Variants in NAV2 observed in about 807,000 individuals in gnomAD.
The protein encoded by NAV2 is helicase, APC down-regulated 1.
A neutral mutation model predicts 223.2 loss-of-function variants in NAV2; 54 were observed. That is an observed-to-expected ratio of 0.24 (90% CI 0.19 to 0.30). The LOEUF is 0.30. NAV2 is among the 10% of genes least tolerant of loss of function. The probability of loss-of-function intolerance (pLI) is 1.00; values close to 1 mark genes in which losing one functional copy is unlikely to be tolerated. For synonymous variants in NAV2, 1,279 were observed against 1,239.3 expected (o/e 1.03, Z -0.67); for missense variants, 2,806 against 3,147.5 (o/e 0.89, Z 2.60).
intron 1 of NAV2, among the ~76,000 whole-genome samples, chr11:19,466,070 G>A (rs1386450): frequency 0.58 from 87,530 of 152,068 alleles, 26,864 homozygotes; most frequent in Non-Finnish European, 0.7. Flanking sequence ...TGAATTTCTT[G>A]TTTCCACGAG....
rs200879675 is a variant in NAV2, at chr11:19,662,802, C to G, written c.76-169682C>G. ...AAGCTTCAGGTCCAGTGCCAGGTAG[C>G]CTTTTGGCTACTTTTCCTGGGCTGC... On this transcript the variant is annotated intron_variant, in intron 1 of 37. Coordinates refer to the NAV2 transcript ENST00000360655. 1.7e-4 allele frequency among the ~76,000 whole-genome samples: 26 copies of G among 152,354 alleles called. No individual in the cohort carries two copies. The East Asian group carries it at 4.4e-3, about 26-fold the overall frequency.
At chr11:19,798,912 A>C (rs2058073852) in intron 1 of NAV2, among the ~76,000 whole-genome samples, 1 of 152,116 alleles carries the variant, frequency 6.6e-6, no homozygotes, top group African/African-American at 2.4e-5. Context: ...TACATATCTG[A>C]AATATCAGCA....
Position 19,559,928 on chromosome 11 carries a change from A to G in NAV2, c.75+208901A>G, listed in dbSNP as rs145658079. On this transcript the variant is annotated intron_variant, in intron 1 of 37. Coordinates refer to the NAV2 transcript ENST00000360655. The stretch of plus-strand genomic sequence containing the variant: ...GGGGGCGGATAGATGGACAGCCTGG[A>G]GTGCTGCCTGGTGTACCTGGAATCC... Among the ~76,000 whole-genome samples, 547 of 152,218 alleles carry G rather than the reference A, an allele frequency of 3.6e-3. 3 individuals carry two copies. The highest frequency in any genetic ancestry group is 0.013 in the African/African-American group (524 of 41,532).
intron 1 of NAV2, among the ~76,000 whole-genome samples, chr11:19,799,638 A>C (rs2058117902): frequency 6.6e-6 from 1 of 152,166 alleles, no homozygotes; most frequent in Admixed American, 6.5e-5. Context: ...CTTGAGCTTC[A>C]GAAAGTCTGT....
At chr11:19,772,028 A>C (rs2152592228) in intron 1 of NAV2, among the ~76,000 whole-genome samples, 2 of 152,308 alleles carry the variant, frequency 1.3e-5, no homozygotes, top group Middle Eastern at 6.8e-3. Flanking sequence ...GCTTGTGGAC[A>C]GGAGTCCTTT....
At chr11:20,056,689 A>T in intron 19 of NAV2, 1 of 1,097,780 alleles carries the variant, frequency 9.1e-7, no homozygotes, top group African/African-American at 1.5e-5. Flanking sequence ...GATGGGGCTG[A>T]TGGGACATTG....
At chr11:19,414,524 TAGAC>T (rs1850282886) in intron 1 of NAV2, among the ~76,000 whole-genome samples, 1 of 152,116 alleles carries the variant, frequency 6.6e-6, no homozygotes, top group African/African-American at 2.4e-5. Flanking sequence ...CTGTCAATAT[TAGAC>T]AGATCAATGA....
intron 24 of NAV2, 27 bp downstream of exon 24, chr11:20,078,131 C>T (rs1180328137): frequency 6.5e-7 from 1 of 1,547,778 alleles, no homozygotes; most frequent in Non-Finnish European, 8.9e-7. Flanking sequence ...AGCCTTTAGC[C>T]AGAAGACCTG....
intron 1 of NAV2, among the ~76,000 whole-genome samples, chr11:19,678,390 C>T (rs2135863131): frequency 6.6e-6 from 1 of 152,310 alleles, no homozygotes; most frequent in East Asian, 1.9e-4. Context: ...CATGCTTACT[C>T]CGGAGCCCAT....
chr11:20,001,907 C>G (rs2052590489), intron 11 of NAV2, among the ~76,000 whole-genome samples: 1 of 151,784 alleles, frequency 6.6e-6, no homozygotes, highest in South Asian at 2.1e-4. Context: ...GTGTGGCTGT[C>G]CCACCTGTTT....
At chr11:19,603,123 C>T (rs1356297566) in intron 1 of NAV2, among the ~76,000 whole-genome samples, 2 of 152,158 alleles carry the variant, frequency 1.3e-5, no homozygotes, top group African/African-American at 2.4e-5. Flanking sequence ...TTCCATGTCA[C>T]GTAGTAGCTT....
intron 12 of NAV2, among the ~76,000 whole-genome samples, chr11:20,042,977 G>A (rs564731319): frequency 6.6e-6 from 1 of 152,260 alleles, no homozygotes; most frequent in East Asian, 1.9e-4. Context: ...AGCAGGTCAG[G>A]GCTCTTCCAA....
intron 1 of NAV2, among the ~76,000 whole-genome samples, chr11:19,736,184 C>T (rs750737265): frequency 2.6e-5 from 4 of 152,162 alleles, no homozygotes; most frequent in Non-Finnish European, 5.9e-5. Context: ...ACAAACTGGG[C>T]ATGGCTTTTG....
chr11:19,774,309 T>A (rs1477140423), intron 1 of NAV2, among the ~76,000 whole-genome samples: 2 of 152,240 alleles, frequency 1.3e-5, no homozygotes, highest in Non-Finnish European at 2.9e-5. Flanking sequence ...TCCAAGTAGC[T>A]GGGACTAAGG....
At chr11:19,870,548 T>C (rs2062415890) in intron 4 of NAV2, among the ~76,000 whole-genome samples, 1 of 152,090 alleles carries the variant, frequency 6.6e-6, no homozygotes. Flanking sequence ...CTCAGCCATC[T>C]ACCCATTGGC....
intron 11 of NAV2, among the ~76,000 whole-genome samples, chr11:19,988,028 C>T (rs56999641): frequency 0.051 from 7,804 of 152,278 alleles, 623 homozygotes; most frequent in African/African-American, 0.18. Context: ...TGAACTCCTG[C>T]CAGTTCCTAC....
intron 1 of NAV2, among the ~76,000 whole-genome samples, chr11:19,468,069 G>T (rs1383603030): frequency 6.6e-6 from 1 of 152,154 alleles, no homozygotes; most frequent in Non-Finnish European, 1.5e-5. Flanking sequence ...TAGCATGGCT[G>T]AGACTGTCCT....
At chr11:19,868,202 T>C (rs1306725507) in intron 3 of NAV2, among the ~76,000 whole-genome samples, 1 of 152,162 alleles carries the variant, frequency 6.6e-6, no homozygotes, top group Non-Finnish European at 1.5e-5. Context: ...ATGGTACCCG[T>C]TGACATTAAT....
At chr11:19,599,291 G>A (rs184631424) in intron 1 of NAV2, among the ~76,000 whole-genome samples, 1 of 152,266 alleles carries the variant, frequency 6.6e-6, no homozygotes, top group East Asian at 1.9e-4. Flanking sequence ...AATTGCAAAT[G>A]GTTTGGCTGG....
Sources: allele counts gnomAD v4.1 joint callset (sites outside exome capture counted in the v4.1 genomes callset), GRCh38; gene constraint gnomAD v4.1.1; transcripts MANE v1.5; gene names NCBI Gene and HGNC (gene_info 2026-07-23, HGNC 2026-07-21).